The following NPFFR2 variants were observed in gnomAD, a reference collection of about 807,000 sequenced individuals.
NPFFR2 encodes neuropeptide FF receptor 2, also known as G-protein coupled receptor 74.
A neutral mutation model predicts 13.1 loss-of-function variants in NPFFR2; 15 were observed. The ratio of observed to expected loss-of-function variants is 1.15; its 90% CI spans 0.77 to 1.76. NPFFR2 has a LOEUF of 1.76. Among genes scored for constraint, NPFFR2 ranks in the 40% most tolerant of loss-of-function variants. The pLI, the probability that NPFFR2 is intolerant of heterozygous loss-of-function variation, is 0.00. For missense variants in NPFFR2, 572 were observed against 503.5 expected, an observed-to-expected ratio of 1.14 and a Z score of -1.30; for synonymous variants, 190 against 175.7, an observed-to-expected ratio of 1.08 and a Z score of -0.65.
intron 1 of NPFFR2, among the ~76,000 whole-genome samples, chr4:72,113,459 C>T (rs1052632458): frequency 3.3e-5 from 5 of 152,056 alleles, no homozygotes; most frequent in African/African-American, 1.2e-4. Context: ...CCTCCACATT[C>T]CATTGCATCA....
At chr4:72,089,156 T>A (rs1252380686) in intron 1 of NPFFR2, among the ~76,000 whole-genome samples, 1 of 152,110 alleles carries the variant, frequency 6.6e-6, no homozygotes, top group African/African-American at 2.4e-5. Flanking sequence ...GCAAATATCA[T>A]TATGTTGTTC....
In NPFFR2 at chr4:72,032,209, A is replaced by T; in HGVS notation, c.-8+9A>T. On this transcript the variant is annotated intron_variant, in intron 1 of 3. Transcript: ENST00000308744. ...AGGGCTCGCCGGGAGAGGTAACAGC[A>T]TGGGCCAGTTTGTCTGGGGGCCCCC... 1 of 1,596,044 alleles carries T rather than the reference A, an allele frequency of 6.3e-7. No homozygotes were observed. Among genetic ancestry groups the T allele is most frequent in the Non-Finnish European group, 8.6e-7 (1 of 1,169,532 alleles).
intron 1 of NPFFR2, among the ~76,000 whole-genome samples, chr4:72,051,588 G>C (rs1167138604): frequency 1.3e-5 from 2 of 150,630 alleles, no homozygotes; most frequent in Non-Finnish European, 3.0e-5. Context: ...GAAAGAACTA[G>C]AGAAGCAAGA....
intron 2 of NPFFR2, among the ~76,000 whole-genome samples, chr4:72,132,244 G>A (rs1722267718): frequency 6.6e-6 from 1 of 151,814 alleles, no homozygotes. Flanking sequence ...ATAGTAACAT[G>A]TAGTATTGGG....
At chr4:72,043,261 T>A (rs7655353) in intron 1 of NPFFR2, among the ~76,000 whole-genome samples, 135,445 of 152,242 alleles carry the variant, frequency 0.89, 61,400 homozygotes, top group Non-Finnish European at 0.98. Flanking sequence ...CAGGGGCTGA[T>A]CGCTTGTGGA....
chr4:72,035,175 C>T (rs911794977), intron 1 of NPFFR2, among the ~76,000 whole-genome samples: 1 of 152,190 alleles, frequency 6.6e-6, no homozygotes, highest in Non-Finnish European at 1.5e-5. Flanking sequence ...AGGCAAGGCC[C>T]TGAAATTCTG....
chr4:72,136,115 G>A (rs1436820800), intron 2 of NPFFR2, among the ~76,000 whole-genome samples: 1 of 152,080 alleles, frequency 6.6e-6, no homozygotes, highest in East Asian at 1.9e-4. Context: ...CAACACTTGG[G>A]GAGGCCAAGA....
intron 3 of NPFFR2, among the ~76,000 whole-genome samples, chr4:72,145,892 T>G (rs1354631928): frequency 6.6e-6 from 1 of 152,176 alleles, no homozygotes; most frequent in African/African-American, 2.4e-5. Context: ...AGTTGCATAA[T>G]AGTGTGATTA....
intron 2 of NPFFR2, among the ~76,000 whole-genome samples, chr4:72,133,304 G>T (rs539676765): frequency 2.0e-5 from 3 of 152,224 alleles, no homozygotes; most frequent in South Asian, 2.1e-4. Context: ...CTTTGTTGAA[G>T]GTTAGATATT....
chr4:72,060,142 G>A lies in NPFFR2; in HGVS notation c.-8+27942G>A, dbSNP rs577402623. 3.0e-4 allele frequency among the ~76,000 whole-genome samples: 45 copies of A among 152,202 alleles called. 1 individual carries two copies. Among genetic ancestry groups the A allele is most frequent in the Middle Eastern group, 3.4e-3 (1 of 294 alleles). ...TCCATTGTAGTGACTTGAGACAGAT[G>A]TCCAATCTTTATTCCTAAAGTATAA... is the stretch of plus-strand genomic sequence containing the variant. On this transcript the variant is annotated intron_variant, in intron 1 of 3. Coordinates refer to ENST00000308744, the MANE Select transcript of NPFFR2 (RefSeq NM_004885.3).
chr4:72,101,599 T>G (rs1721252583), intron 1 of NPFFR2, among the ~76,000 whole-genome samples: 1 of 151,968 alleles, frequency 6.6e-6, no homozygotes, highest in South Asian at 2.1e-4. Flanking sequence ...TTACACTATA[T>G]TAGTTGATAA....
chr4:72,138,007 A>G (rs1317099473), intron 2 of NPFFR2, 33 bp from the exon 3 acceptor site: 1 of 1,491,812 alleles, frequency 6.7e-7, no homozygotes, highest in Non-Finnish European at 9.3e-7. Flanking sequence ...TGAAAATATG[A>G]TCTTTTGAAA....
At chr4:72,056,754 CA>C (rs1434128243) in intron 1 of NPFFR2, among the ~76,000 whole-genome samples, 1 of 151,922 alleles carries the variant, frequency 6.6e-6, no homozygotes, top group Non-Finnish European at 1.5e-5. Context: ...TTCAGATCTT[CA>C]GGGATGATTT....
intron 1 of NPFFR2, among the ~76,000 whole-genome samples, chr4:72,103,213 T>C (rs1008043431): frequency 6.6e-6 from 1 of 152,154 alleles, no homozygotes; most frequent in African/African-American, 2.4e-5. Flanking sequence ...ATTATGTGAT[T>C]TATAAAAATT....
chr4:72,070,571 G>GGGA (rs1560401600), intron 1 of NPFFR2, among the ~76,000 whole-genome samples: 14 of 137,008 alleles, frequency 1.0e-4, no homozygotes, highest in African/African-American at 4.1e-4. Flanking sequence ...GGGGGGGGGG[G>GGGA]GTGGGGCTCT....
At chr4:72,077,783 A>AT (rs951099321) in intron 1 of NPFFR2, among the ~76,000 whole-genome samples, 9 of 152,008 alleles carry the variant, frequency 5.9e-5, no homozygotes, top group East Asian at 1.9e-4. Flanking sequence ...CTATTTTACT[A>AT]TTTTTTTGTA....
At position 72,085,848 on chromosome 4, in the gene NPFFR2, TAAGTCCTAA is replaced by T. The variant is rs138190876; in HGVS notation, c.-7-42732_-7-42724del. Among the ~76,000 whole-genome samples the T allele has an allele frequency of 1.4e-3, 210 of 152,278 alleles. 2 individuals are homozygous for T. The highest frequency in any genetic ancestry group is 4.8e-3 in the African/African-American group (200 of 41,580). On this transcript the variant is annotated intron_variant, in intron 1 of 3. Transcript: ENST00000308744. ...GTTAAAAATTAAATTATCTTTTTGG[TAAGTCCTAA>T]AAGTACAAGTTTAGTGTATATACAT...
intron 2 of NPFFR2, among the ~76,000 whole-genome samples, chr4:72,132,460 C>T (rs989024206): frequency 3.9e-5 from 6 of 152,152 alleles, no homozygotes; most frequent in Admixed American, 1.3e-4. Context: ...AGTGAACATA[C>T]ACATACATGT....
At chr4:72,088,333 C>T (rs1210650911) in intron 1 of NPFFR2, among the ~76,000 whole-genome samples, 2 of 151,826 alleles carry the variant, frequency 1.3e-5, no homozygotes, top group African/African-American at 4.8e-5. Context: ...GTGTCTCTAA[C>T]ATATTGATGA....
Sources: gnomAD v4.1 joint callset for allele counts (sites outside exome capture counted in the v4.1 genomes callset) on GRCh38, gnomAD v4.1.1 for gene constraint, MANE v1.5 for transcripts, NCBI Gene and HGNC (gene_info 2026-07-23, HGNC 2026-07-21) for gene names.